TRAPPC1: variants seen among roughly 807,000 people sequenced by gnomAD.
The protein encoded by TRAPPC1 is BET5 homolog.
In TRAPPC1, 10 loss-of-function variants were observed where a neutral mutation model predicts 17.2. The ratio of observed to expected loss-of-function variants is 0.58; its 90% CI spans 0.36 to 0.99. The LOEUF (loss-of-function observed/expected upper bound fraction) is 0.99, where lower values mean the gene tolerates loss of function less well. Ranked by LOEUF, TRAPPC1 falls within the 50% of genes least tolerant of loss-of-function variation. TRAPPC1 has a pLI of 0.01. For missense variants in TRAPPC1, 163 were observed against 184.4 expected, an observed-to-expected ratio of 0.88 and a Z score of 0.67; for synonymous variants, 85 against 74.5, an observed-to-expected ratio of 1.14 and a Z score of -0.72.
At position 7,931,741 on chromosome 17, in the gene TRAPPC1, GGAA is replaced by G; in HGVS notation, c.86_88del (p.Ile29_Pro30delinsThr). On this transcript the variant is annotated inframe_deletion, in exon 1 of 4. Transcript: ENST00000303731. ...GGGCCCTCTCGTCACCTCCTCCTTG[GGAA>G]TCCCTGCTTGCTTCTTGCGGTGCCA... 1 of 1,614,144 alleles carries G rather than the reference GGAA, an allele frequency of 6.2e-7. No homozygotes were observed. Among genetic ancestry groups the G allele is most frequent in the Non-Finnish European group, 8.5e-7 (1 of 1,180,002 alleles).
chr17:7,930,349 G>C lies in TRAPPC1; in HGVS notation c.*257C>G, dbSNP rs1464122324. ...CTCAAACCAACACGCTCAGGCCGCA[G>C]AGAGTGACAAAAAGTTTATTCTGTG... On this transcript the variant is annotated 3_prime_UTR_variant, in exon 4 of 4. Transcript: ENST00000303731. 1 of 481,052 alleles carries C rather than the reference G, an allele frequency of 2.1e-6. No homozygotes were observed. The highest frequency in any genetic ancestry group is 3.8e-6 in the Non-Finnish European group (1 of 262,254). The allele number at this position is 481,052 out of a possible 1,614,324, so 29.8% of individuals were successfully genotyped here.
At chr17:7,931,958 C>T, upstream of TRAPPC1, 1 of 768,336 alleles carries the variant, frequency 1.3e-6, no homozygotes, top group Non-Finnish European at 2.3e-6. Context: ...CTCCGAGTGC[C>T]CGTCAAGAGT....
chr17:7,931,799 G>C lies in TRAPPC1; in HGVS notation c.31C>G (p.Arg11Gly). Residue 11 changes from arginine (R) to glycine (G), a missense_variant, in exon 1 of 4, where the codon CGG becomes GGG. By Grantham distance (125) the Arg-to-Gly change is moderately radical. Coordinates refer to ENST00000303731, the MANE Select transcript of TRAPPC1 (RefSeq NM_021210.5). MTVHNLYLFD[R>G]NGVCLHYSEW... ...CTGTAGTGCAGACACACTCCATTCCGGTCAAACAGGTACAGGTTGTGGACA... is the reference window on the plus strand; with the variant it reads ...CTGTAGTGCAGACACACTCCATTCCCGTCAAACAGGTACAGGTTGTGGACA... The C allele has an allele frequency of 6.2e-7, 1 of 1,614,140 alleles. No homozygotes were observed. The highest frequency in any genetic ancestry group is 1.1e-5 in the South Asian group (1 of 91,080).
chr17:7,931,125 T>A lies in TRAPPC1; in HGVS notation c.195A>T (p.Gln65His). 6.2e-7 allele frequency: 1 copy of A among 1,613,904 alleles called. No homozygotes were observed. The highest frequency in any genetic ancestry group is 8.5e-7 in the Non-Finnish European group (1 of 1,179,934). Reference protein sequence around the residue: ...LDMKDGFLAFQTSRYKLHYYE... With the variant: ...LDMKDGFLAFHTSRYKLHYYE... ...AGTAATGGAGTTTGTAACGGCTAGTTTGGAAGGCCAGGAAGCCATCCTTCC... is the reference window on the plus strand; with the variant it reads ...AGTAATGGAGTTTGTAACGGCTAGTATGGAAGGCCAGGAAGCCATCCTTCC... Residue 65 changes from glutamine (Q) to histidine (H), a missense_variant, in exon 3 of 4, where the codon CAA becomes CAT. Physicochemically the swap from Gln to His is conservative, Grantham distance 24. Transcript: ENST00000303731.
Position 7,931,919 on chromosome 17 carries a change from G to A in TRAPPC1, c.-90C>T. ...GACCCACAGCCTTCCAACCAGGTGG[G>A]GACCCCACCCACGGACTCACCGGAA... On this transcript the variant is annotated 5_prime_UTR_variant, in exon 1 of 4. Coordinates refer to ENST00000303731, the MANE Select transcript of TRAPPC1 (RefSeq NM_021210.5). 2.6e-6 allele frequency: 3 copies of A among 1,135,502 alleles called. No individual in the cohort carries two copies. Among genetic ancestry groups the A allele is most frequent in the East Asian group, 2.3e-5 (1 of 42,754 alleles). 70.3% of individuals were successfully genotyped at this position (1,135,502 alleles called of 1,614,324 possible). A position where few individuals can be genotyped will look rare whatever the true frequency, so the allele number is the denominator to read the frequency against.
chr17:7,930,445 G>T lies in TRAPPC1; in HGVS notation c.*161C>A. ...GTGTGGAGGTGGAGGGACTCTGTGG[G>T]CTTCACTCTGGTAGGAGGAGAGCAT... is the stretch of plus-strand genomic sequence containing the variant. On this transcript the variant is annotated 3_prime_UTR_variant, in exon 4 of 4. Coordinates refer to ENST00000303731, the MANE Select transcript of TRAPPC1 (RefSeq NM_021210.5). The T allele has an allele frequency of 1.2e-6, 1 of 810,870 alleles. No homozygotes were observed. The highest frequency in any genetic ancestry group is 2.0e-6 in the Non-Finnish European group (1 of 511,358). 50.2% of individuals were successfully genotyped at this position (810,870 alleles called of 1,614,324 possible).
At chr17:7,930,950 A>C in intron 3 of TRAPPC1, 61 bp downstream of exon 3, 1 of 1,593,398 alleles carries the variant, frequency 6.3e-7, no homozygotes, top group South Asian at 1.1e-5. Context: ...GGCAGGGGAG[A>C]TGAGGGAGTC....
rs1453762531 is a variant in TRAPPC1, at chr17:7,930,370, C to G, written c.*236G>C. 1 of 535,244 alleles carries G rather than the reference C, an allele frequency of 1.9e-6. No individual in the cohort carries two copies. Among genetic ancestry groups the G allele is most frequent in the African/African-American group, 1.9e-5 (1 of 52,242 alleles). 33.2% of individuals were successfully genotyped at this position (535,244 alleles called of 1,614,324 possible). On this transcript the variant is annotated 3_prime_UTR_variant, in exon 4 of 4. Transcript: ENST00000303731. ...CGCAGAGAGTGACAAAAAGTTTATTCTGTGCTTCTCGCAGCATTAGGCAGG... is the reference window on the plus strand; with the variant it reads ...CGCAGAGAGTGACAAAAAGTTTATTGTGTGCTTCTCGCAGCATTAGGCAGG...
rs745976220 is a variant in TRAPPC1, at chr17:7,930,645, A to G, written c.399T>C (p.Tyr133=). 4 of 1,614,194 alleles carry G rather than the reference A, an allele frequency of 2.5e-6. No individual in the cohort carries two copies. The highest frequency in any genetic ancestry group is 2.2e-5 in the East Asian group (1 of 44,890). The change falls in exon 4 of 4, where the codon TAT becomes TAC. Residue 133 remains tyrosine (Y), a synonymous_variant. Coordinates refer to ENST00000303731, the MANE Select transcript of TRAPPC1 (RefSeq NM_021210.5). ...SELFRSRLDS[Y]VRSLPFFSAR... The stretch of plus-strand genomic sequence containing the variant: ...CGGAGAAGAAGGGCAGAGAGCGAAC[A>G]TAGGAGTCCAGTCGGGAGCGAAAGA...
In TRAPPC1 at chr17:7,931,782, C is replaced by T. The variant is rs1370509165; in HGVS notation, c.48G>A (p.Leu16=). 3 of 1,614,096 alleles carry T rather than the reference C, an allele frequency of 1.9e-6. No individual in the cohort carries two copies. The highest frequency in any genetic ancestry group is 4.5e-5 in the East Asian group (2 of 44,886). The change falls in exon 1 of 4, where the codon CTG becomes CTA. Residue 16 remains leucine, a synonymous_variant. Transcript: ENST00000303731. ...LYLFDRNGVC[L]HYSEWHRKKQ... ...TCTTGCGGTGCCATTCGCTGTAGTG[C>T]AGACACACTCCATTCCGGTCAAACA...
intron 3 of TRAPPC1, 35 bp downstream of exon 3, chr17:7,930,976 G>A (rs1181151774): frequency 1.2e-6 from 2 of 1,611,098 alleles, no homozygotes; most frequent in African/African-American, 1.3e-5. Flanking sequence ...GTTCTGAAGA[G>A]CTCTGGGGGA....
chr17:7,930,479 G>A lies in TRAPPC1; in HGVS notation c.*127C>T, dbSNP rs1006718792. 8.3e-6 allele frequency: 10 copies of A among 1,202,430 alleles called. No individual in the cohort carries two copies. The highest frequency in any genetic ancestry group is 1.1e-5 in the Non-Finnish European group (9 of 841,912). The allele number at this position is 1,202,430 out of a possible 1,614,324, so 74.5% of individuals were successfully genotyped here. A position where few individuals can be genotyped will look rare whatever the true frequency, so the allele number is the denominator to read the frequency against. On this transcript the variant is annotated 3_prime_UTR_variant, in exon 4 of 4. Coordinates refer to ENST00000303731, the MANE Select transcript of TRAPPC1 (RefSeq NM_021210.5). Reference sequence around the variant, plus strand: ...TGGTAGGAGGAGAGCATCAGGGCAGGCCTTTAGGCTGTTGCTCTGGGCAGG... The same window carrying A: ...TGGTAGGAGGAGAGCATCAGGGCAGACCTTTAGGCTGTTGCTCTGGGCAGG...
rs1972545743 is a variant in TRAPPC1, at chr17:7,931,924, C to T, written c.-95G>A. The T allele has an allele frequency of 9.4e-6, 10 of 1,066,550 alleles. No individual in the cohort carries two copies. Among genetic ancestry groups the T allele is most frequent in the South Asian group, 7.6e-5 (6 of 79,202 alleles). The allele number at this position is 1,066,550 out of a possible 1,614,324, so 66.1% of individuals were successfully genotyped here. ...ACAGCCTTCCAACCAGGTGGGGACC[C>T]CACCCACGGACTCACCGGAACTGCT... On this transcript the variant is annotated 5_prime_UTR_variant, in exon 1 of 4. Transcript: ENST00000303731.
chr17:7,931,486 T>C lies in TRAPPC1; in HGVS notation c.170+20A>G. The C allele has an allele frequency of 1.9e-6, 3 of 1,611,880 alleles. No homozygotes were observed. The highest frequency in any genetic ancestry group is 2.5e-6 in the Non-Finnish European group (3 of 1,178,106). On this transcript the variant is annotated intron_variant, in intron 2 of 3. Coordinates refer to ENST00000303731, the MANE Select transcript of TRAPPC1 (RefSeq NM_021210.5). ...CCCAAGGCTAGCCCTCCTCCCAACA[T>C]CTTCTCTGACTCCGCGTACATGTCT...
At chr17:7,931,630 G>A in intron 1 of TRAPPC1, 54 bp from the exon 2 acceptor site, 1 of 728,920 alleles carries the variant, frequency 1.4e-6, no homozygotes. Flanking sequence ...ATGGGGTGGG[G>A]GGTGGGAACG....
Position 7,931,034 on chromosome 17 carries a change from C to G in TRAPPC1, c.286G>C (p.Val96Leu), listed in dbSNP as rs770160493. The G allele has an allele frequency of 1.2e-5, 20 of 1,613,806 alleles. No individual in the cohort carries two copies. Among genetic ancestry groups the G allele is most frequent in the South Asian group, 9.9e-5 (9 of 91,070 alleles). ...TDLGVGPIRD[V>L]LHHIYSALYV... is the part of the protein sequence containing the mutation. Reference sequence around the variant, plus strand: ...ACCGCACTGTAGATGTGGTGCAGCACATCTCGGATGGGTCCCACGCCCAAG... The same window carrying G: ...ACCGCACTGTAGATGTGGTGCAGCAGATCTCGGATGGGTCCCACGCCCAAG... The change falls in exon 3 of 4, where the codon GTG becomes CTG. Residue 96 changes from valine (V) to leucine (L), a missense_variant. Physicochemically the swap from Val to Leu is conservative, Grantham distance 32. Coordinates refer to ENST00000303731, the MANE Select transcript of TRAPPC1 (RefSeq NM_021210.5).
At position 7,931,924 on chromosome 17, in the gene TRAPPC1, C is replaced by A. The variant is rs1972545743; in HGVS notation, c.-95G>T. The A allele has an allele frequency of 9.4e-7, 1 of 1,066,668 alleles. No homozygotes were observed. The highest frequency in any genetic ancestry group is 1.7e-5 in the Admixed American group (1 of 58,400). 66.1% of individuals were successfully genotyped at this position (1,066,668 alleles called of 1,614,324 possible). On this transcript the variant is annotated 5_prime_UTR_variant, in exon 1 of 4. Coordinates refer to ENST00000303731, the MANE Select transcript of TRAPPC1 (RefSeq NM_021210.5). ...ACAGCCTTCCAACCAGGTGGGGACC[C>A]CACCCACGGACTCACCGGAACTGCT...
chr17:7,931,018 T>C lies in TRAPPC1; in HGVS notation c.302A>G (p.Tyr101Cys), dbSNP rs747088319. The C allele has an allele frequency of 6.2e-7, 1 of 1,613,746 alleles. No individual in the cohort carries two copies. Among genetic ancestry groups the C allele is most frequent in the East Asian group, 2.2e-5 (1 of 44,874 alleles). ...GPIRDVLHHI[Y>C]SALYVELVVK... is the part of the protein sequence containing the mutation. ...CCTGGGGCTGGCACTGACCGCACTG[T>C]AGATGTGGTGCAGCACATCTCGGAT... The change falls in exon 3 of 4, where the codon TAC becomes TGC. Residue 101 changes from tyrosine (Y) to cysteine (C), a missense_variant. Transcript: ENST00000303731.
chr17:7,931,881 G>A lies in TRAPPC1; in HGVS notation c.-52C>T, dbSNP rs1357045570. On this transcript the variant is annotated 5_prime_UTR_variant, in exon 1 of 4. Coordinates refer to ENST00000303731, the MANE Select transcript of TRAPPC1 (RefSeq NM_021210.5). ...CTCCGGGGCCGCCCCCACTCCTTGG[G>A]CTCGGGTTCCCGGACCCACAGCCTT... 2.3e-5 allele frequency: 35 copies of A among 1,532,150 alleles called. No homozygotes were observed. The Admixed American group carries it at 5.8e-4, about 26-fold the overall frequency. 94.9% of individuals were successfully genotyped at this position (1,532,150 alleles called of 1,614,324 possible).
Sources: allele counts gnomAD v4.1 joint callset, GRCh38; gene constraint gnomAD v4.1.1; transcripts MANE v1.5; gene names NCBI Gene and HGNC (gene_info 2026-07-23, HGNC 2026-07-21).